Variants in CCDC178 observed in about 807,000 individuals in gnomAD.
CCDC178 encodes coiled-coil domain-containing protein 178.
A neutral mutation model predicts 117.4 loss-of-function variants in CCDC178; 126 were observed. The observed-to-expected ratio is 1.07, with a 90% confidence interval of 0.93 to 1.24. CCDC178 has a LOEUF of 1.24. Among genes scored for constraint, CCDC178 ranks in the 50% most tolerant of loss-of-function variants. The probability of loss-of-function intolerance (pLI) is 0.00; values close to 1 mark genes in which losing one functional copy is unlikely to be tolerated. For synonymous variants in CCDC178, 283 were observed against 313.4 expected, an observed-to-expected ratio of 0.90 and a Z score of 1.02; for missense variants, 1,030 against 986.9, an observed-to-expected ratio of 1.04 and a Z score of -0.59.
At chr18:33,048,333 G>T (rs7242257) in intron 21 of CCDC178, among the ~76,000 whole-genome samples, 21,666 of 152,070 alleles carry the variant, frequency 0.14, 2,390 homozygotes, top group African/African-American at 0.31. Context: ...CATCATATAA[G>T]ATACTCCCAA....
chr18:33,393,700 C>G (rs1326818582), intron 4 of CCDC178, among the ~76,000 whole-genome samples: 1 of 152,114 alleles, frequency 6.6e-6, no homozygotes, highest in Non-Finnish European at 1.5e-5. Context: ...TATATTATTG[C>G]ATAACTACAG....
intron 21 of CCDC178, among the ~76,000 whole-genome samples, chr18:33,055,575 T>C (rs909037824): frequency 2.0e-5 from 3 of 152,100 alleles, no homozygotes; most frequent in African/African-American, 7.2e-5. Flanking sequence ...GCAATCGTCC[T>C]GACTCAGTCT....
chr18:33,177,864 C>G (rs1364214571), intron 20 of CCDC178, among the ~76,000 whole-genome samples: 1 of 152,008 alleles, frequency 6.6e-6, no homozygotes, highest in Non-Finnish European at 1.5e-5. Context: ...TTTTACTTTG[C>G]CTGATGGTTG....
intron 21 of CCDC178, among the ~76,000 whole-genome samples, chr18:32,978,900 G>A (rs1263211230): frequency 6.6e-6 from 1 of 151,972 alleles, no homozygotes; most frequent in Non-Finnish European, 1.5e-5. Flanking sequence ...AGCCAGGCGC[G>A]GTGGCGGTTG....
At chr18:33,220,620 A>G (rs2059220867) in intron 18 of CCDC178, among the ~76,000 whole-genome samples, 1 of 152,072 alleles carries the variant, frequency 6.6e-6, no homozygotes, top group Non-Finnish European at 1.5e-5. Flanking sequence ...ATGCAATACT[A>G]AGTACTTCAC....
intron 21 of CCDC178, among the ~76,000 whole-genome samples, chr18:33,073,525 ATCTATCTATC>A (rs1272902492): frequency 2.7e-5 from 4 of 148,140 alleles, no homozygotes; most frequent in African/African-American, 1.0e-4. Context: ...CTATCTATCT[ATCTATCTATC>A]TATCTATCTA....
At chr18:33,380,029 C>G (rs1344522062) in intron 5 of CCDC178, among the ~76,000 whole-genome samples, 1 of 152,098 alleles carries the variant, frequency 6.6e-6, no homozygotes, top group Non-Finnish European at 1.5e-5. Context: ...GCTGCTGGTC[C>G]AGGTAAGTGG....
At chr18:33,321,667 T>C (rs1395947395) in intron 11 of CCDC178, among the ~76,000 whole-genome samples, 1 of 151,528 alleles carries the variant, frequency 6.6e-6, no homozygotes, top group East Asian at 1.9e-4. Context: ...GATTTCCTAC[T>C]AAAAGAATAG....
chr18:33,400,652 A>G (rs1045683472), intron 3 of CCDC178, among the ~76,000 whole-genome samples: 1 of 152,156 alleles, frequency 6.6e-6, no homozygotes, highest in African/African-American at 2.4e-5. Flanking sequence ...GCTCTTGATT[A>G]AGCTTTTGTT....
At chr18:33,354,626 T>C (rs1039381259) in intron 7 of CCDC178, among the ~76,000 whole-genome samples, 11 of 150,954 alleles carry the variant, frequency 7.3e-5, no homozygotes, top group Admixed American at 5.9e-4. Context: ...TTTTTTTTTT[T>C]TCCAGACAGA....
intron 21 of CCDC178, among the ~76,000 whole-genome samples, chr18:33,071,103 G>A (rs1390420153): frequency 6.6e-6 from 1 of 152,124 alleles, no homozygotes; most frequent in African/African-American, 2.4e-5. Context: ...ATTGAATGGA[G>A]AGGTTTATAC....
intron 4 of CCDC178, among the ~76,000 whole-genome samples, chr18:33,390,269 T>C (rs2063548354): frequency 6.6e-6 from 1 of 151,864 alleles, no homozygotes; most frequent in South Asian, 2.1e-4. Context: ...TATATTATCA[T>C]TTATTTGACA....
At chr18:33,312,431 C>G (rs1194744255) in intron 11 of CCDC178, among the ~76,000 whole-genome samples, 3 of 152,130 alleles carry the variant, frequency 2.0e-5, no homozygotes, top group African/African-American at 7.2e-5. Flanking sequence ...AGCATGTGAC[C>G]AAGCATTCCA....
chr18:33,084,498 ATTGGTGT>A (rs1163091535), intron 21 of CCDC178, among the ~76,000 whole-genome samples: 1 of 151,982 alleles, frequency 6.6e-6, no homozygotes, highest in South Asian at 2.1e-4. Flanking sequence ...ATGTGTTCTA[ATTGGTGT>A]TTGGTGGTAT....
intron 5 of CCDC178, among the ~76,000 whole-genome samples, chr18:33,374,439 A>G (rs2063338913): frequency 6.6e-6 from 1 of 152,186 alleles, no homozygotes; most frequent in African/African-American, 2.4e-5. Context: ...GTTCAATACA[A>G]CTTCACACAC....
At position 33,272,101 on chromosome 18, in the gene CCDC178, G is replaced by A. The variant is rs2059898048; in HGVS notation, c.1177-4804C>T. Among the ~76,000 whole-genome samples the A allele has an allele frequency of 2.6e-5, 4 of 151,398 alleles. No individual in the cohort carries two copies. The Middle Eastern group carries it at 0.01, about 389-fold the overall frequency. ...ATGAATTCTAATACATGCAAAAAGT[G>A]GAGAGAATCAACAAAACCAAAAGTT... On this transcript the variant is annotated intron_variant, in intron 12 of 22. Transcript: ENST00000383096.
Position 33,248,715 on chromosome 18 carries a change from C to T in CCDC178, c.1410-3287G>A, listed in dbSNP as rs150915670. Among the ~76,000 whole-genome samples the T allele has an allele frequency of 8.7e-3, 1,327 of 151,976 alleles. 18 individuals are homozygous for T. Among genetic ancestry groups the T allele is most frequent in the African/African-American group, 0.03 (1,263 of 41,468 alleles). On this transcript the variant is annotated intron_variant, in intron 14 of 22. Coordinates refer to ENST00000383096, the MANE Select transcript of CCDC178 (RefSeq NM_001105528.4). ...AAGTCTTTGCTATTTTGAATAGTGC[C>T]GCAATAAACATACGTTTGCATGTGT...
chr18:33,038,054 C>T (rs937597167), intron 21 of CCDC178, among the ~76,000 whole-genome samples: 1 of 151,872 alleles, frequency 6.6e-6, no homozygotes, highest in Non-Finnish European at 1.5e-5. Context: ...ATCAGAAAAA[C>T]ACACCTCCCA....
intron 14 of CCDC178, among the ~76,000 whole-genome samples, chr18:33,253,133 C>T (rs187511745): frequency 6.6e-6 from 1 of 151,834 alleles, no homozygotes; most frequent in African/African-American, 2.4e-5. Flanking sequence ...GACAAAATTA[C>T]CAAATTATAA....
Sources: gnomAD v4.1 joint callset for allele counts (sites outside exome capture counted in the v4.1 genomes callset) on GRCh38, gnomAD v4.1.1 for gene constraint, MANE v1.5 for transcripts, NCBI Gene and HGNC (gene_info 2026-07-23, HGNC 2026-07-21) for gene names.